ATP13A5: variants seen among roughly 807,000 people sequenced by gnomAD.
The protein encoded by ATP13A5 is probable cation-transporting ATPase 13A5.
In ATP13A5, 149 loss-of-function variants were observed where a neutral mutation model predicts 150.2. The observed-to-expected ratio is 0.99, with a 90% CI of 0.87 to 1.14. The LOEUF (loss-of-function observed/expected upper bound fraction) is 1.14, where lower values mean the gene tolerates loss of function less well. ATP13A5 is among the 50% of genes most tolerant of loss of function. The pLI is 0.00. For missense variants in ATP13A5, 1,383 were observed against 1,449.3 expected, an observed-to-expected ratio of 0.95 and a Z score of 0.74; for synonymous variants, 497 against 522.2, an observed-to-expected ratio of 0.95 and a Z score of 0.66.
At chr3:193,341,168 C>G (rs201960903) in intron 9 of ATP13A5, among the ~76,000 whole-genome samples, 3,511 of 125,072 alleles carry the variant, frequency 0.028, 44 homozygotes, top group Non-Finnish European at 0.04. Flanking sequence ...ACATATTCCC[C>G]CCCCCTCCCA....
At chr3:193,314,560 A>G (rs1281011551) in intron 18 of ATP13A5, among the ~76,000 whole-genome samples, 2 of 152,196 alleles carry the variant, frequency 1.3e-5, no homozygotes, top group Non-Finnish European at 2.9e-5. Flanking sequence ...TAAGCAAAGA[A>G]CACACAGGGT....
rs370880197 is a variant in ATP13A5 at position 193,347,806 on chromosome 3, G to A, written c.742-2731C>T. On this transcript the variant is annotated intron_variant, in intron 7 of 29. Transcript: ENST00000342358. The stretch of plus-strand genomic sequence containing the variant: ...CCTTCTCATAAAGGCCTACTCAAAT[G>A]TCACCTCCACTCTGCAAATCCCTAC... 5.3e-5 allele frequency among the ~76,000 whole-genome samples: 8 copies of A among 152,202 alleles called. No individual in the cohort carries two copies. The East Asian group carries it at 9.7e-4, about 18-fold the overall frequency.
At chr3:193,352,392 G>C (rs1036282068) in intron 6 of ATP13A5, among the ~76,000 whole-genome samples, 1 of 152,132 alleles carries the variant, frequency 6.6e-6, no homozygotes, top group Non-Finnish European at 1.5e-5. Context: ...GTAGAATACT[G>C]GTTAAATACT....
rs9849024 is a variant in ATP13A5 at position 193,354,166 on chromosome 3, C to T, written c.567G>A (p.Glu189=). The T allele has an allele frequency of 2.5e-4, 409 of 1,612,266 alleles. 1 individual carries two copies. In the African/African-American group the frequency reaches 5.0e-3, roughly 20 times the overall value. The change falls in exon 6 of 30, where the codon GAG becomes GAA. Residue 189 remains glutamate (E), a synonymous_variant. Transcript: ENST00000342358. The stretch of plus-strand genomic sequence containing the variant: ...GCTTCCATATGGGTTGGATTTCAAC[C>T]TCAATGGCGTTGGGCCCACACACTA... ...RRLVCGPNAI[E]VEIQPIWKLL... is the part of the protein sequence containing the mutation.
intron 15 of ATP13A5, among the ~76,000 whole-genome samples, 162 bp from the exon 16 acceptor site, chr3:193,321,999 G>A (rs986236568): frequency 2.0e-5 from 3 of 152,114 alleles, no homozygotes; most frequent in Non-Finnish European, 2.9e-5. Context: ...CTGCCTTAAA[G>A]TGACTCCCTC....
chr3:193,299,695 A>G (rs1718326999), intron 24 of ATP13A5, among the ~76,000 whole-genome samples: 1 of 152,194 alleles, frequency 6.6e-6, no homozygotes, highest in South Asian at 2.1e-4. Context: ...AGCCCATTGC[A>G]GAATTCAGTC....
rs182787992 is a variant in ATP13A5, at chr3:193,351,555, C to T, written c.607-354G>A. On this transcript the variant is annotated intron_variant, in intron 6 of 29. Transcript: ENST00000342358. ...TACATGATTCAGTCTCTTTTAAAAA[C>T]GTACTTCCATTTGGAACAGTTTAAT... Among the ~76,000 whole-genome samples, 124 of 152,276 alleles carry T rather than the reference C, an allele frequency of 8.1e-4. 1 individual carries two copies. The highest frequency in any genetic ancestry group is 1.5e-3 in the Non-Finnish European group (104 of 68,012).
chr3:193,321,185 GCACCCA>G lies in ATP13A5; in HGVS notation c.1915+490_1915+495del, dbSNP rs1719261023. On this transcript the variant is annotated intron_variant, in intron 16 of 29. Coordinates refer to ENST00000342358, the MANE Select transcript of ATP13A5 (RefSeq NM_198505.4). ...TCACTGTGGTTGTACTTTTCTTACT[GCACCCA>G]CAGCCAGATATTTAGTCGCTGCCTC... Among the ~76,000 whole-genome samples, 2 of 152,034 alleles carry G rather than the reference GCACCCA, an allele frequency of 1.3e-5. 1 individual carries two copies. The highest frequency in any genetic ancestry group is 2.9e-5 in the Non-Finnish European group (2 of 68,010).
At chr3:193,348,804 C>T (rs1019278131) in intron 7 of ATP13A5, among the ~76,000 whole-genome samples, 1 of 152,172 alleles carries the variant, frequency 6.6e-6, no homozygotes, top group Non-Finnish European at 1.5e-5. Flanking sequence ...CAAAGCCCTT[C>T]CCCAAATCTT....
chr3:193,344,929 ATAAT>A (rs1449460094), intron 8 of ATP13A5, 70 bp downstream of exon 8: 3 of 1,364,214 alleles, frequency 2.2e-6, no homozygotes, highest in African/African-American at 2.9e-5. Context: ...TCCTTGACTA[ATAAT>A]TAAGGACAAA....
chr3:193,348,753 G>T (rs1434279837), intron 7 of ATP13A5, among the ~76,000 whole-genome samples: 1 of 152,208 alleles, frequency 6.6e-6, no homozygotes, highest in African/African-American at 2.4e-5. Flanking sequence ...TCAACAGAAT[G>T]ATTTGGAGAT....
intron 17 of ATP13A5, among the ~76,000 whole-genome samples, chr3:193,316,685 T>C (rs1200200539): frequency 2.0e-5 from 3 of 152,192 alleles, no homozygotes; most frequent in South Asian, 2.1e-4. Flanking sequence ...ATTTTTCCTA[T>C]TGAATTGTGT....
chr3:193,309,379 C>T (rs1718751889), intron 21 of ATP13A5, among the ~76,000 whole-genome samples: 1 of 152,182 alleles, frequency 6.6e-6, no homozygotes, highest in Non-Finnish European at 1.5e-5. Context: ...ACAACCTGCC[C>T]CACTATTTCT....
chr3:193,281,821 C>T (rs2108817750), intron 27 of ATP13A5, among the ~76,000 whole-genome samples: 1 of 152,080 alleles, frequency 6.6e-6, no homozygotes, highest in East Asian at 1.9e-4. Context: ...TTTGAATTTA[C>T]CCACAAGCTT....
chr3:193,319,711 C>T (rs539077658), intron 16 of ATP13A5, among the ~76,000 whole-genome samples: 2 of 152,268 alleles, frequency 1.3e-5, no homozygotes, highest in East Asian at 3.9e-4. Context: ...TAAGAACAGA[C>T]CTCAGGACTG....
At chr3:193,365,311 A>C (rs1413479102) in intron 1 of ATP13A5, among the ~76,000 whole-genome samples, 4 of 152,108 alleles carry the variant, frequency 2.6e-5, no homozygotes, top group Non-Finnish European at 5.9e-5. Flanking sequence ...GCCAGTTTAG[A>C]TCATGCTATA....
intron 1 of ATP13A5, among the ~76,000 whole-genome samples, chr3:193,373,820 G>A (rs1339940270): frequency 6.6e-6 from 1 of 152,172 alleles, no homozygotes; most frequent in Non-Finnish European, 1.5e-5. Context: ...CAGAGTCCAG[G>A]GCTCTGCCAC....
chr3:193,293,225 C>A (rs185284774), intron 25 of ATP13A5, among the ~76,000 whole-genome samples: 42 of 152,198 alleles, frequency 2.8e-4, no homozygotes, highest in Admixed American at 2.7e-3. Flanking sequence ...GCAAGCCCTG[C>A]AATACAAGCT....
intron 16 of ATP13A5, among the ~76,000 whole-genome samples, chr3:193,319,385 A>G (rs57945794): frequency 0.11 from 16,827 of 152,194 alleles, 1,261 homozygotes; most frequent in African/African-American, 0.21. Context: ...TCTCTAATGC[A>G]ATAGTATTTG....
Sources: allele counts gnomAD v4.1 joint callset (sites outside exome capture counted in the v4.1 genomes callset), GRCh38; gene constraint gnomAD v4.1.1; transcripts MANE v1.5; gene names NCBI Gene and HGNC (gene_info 2026-07-23, HGNC 2026-07-21).